The following CRAMP1 variants were observed in gnomAD, a reference collection of about 807,000 sequenced individuals.
CRAMP1 encodes cramped chromatin regulator 1.
A neutral mutation model predicts 115.4 loss-of-function variants in CRAMP1; 50 were observed. The observed-to-expected ratio is 0.43, with a 90% CI of 0.35 to 0.55. CRAMP1 has a LOEUF of 0.55. Among genes scored for constraint, CRAMP1 ranks in the 20% least tolerant of loss-of-function variants. The pLI, the probability that CRAMP1 is intolerant of heterozygous loss-of-function variation, is 0.01. For missense variants in CRAMP1, 1,679 were observed against 1,721.7 expected, an observed-to-expected ratio of 0.98 and a Z score of 0.44; for synonymous variants, 866 against 745.4, an observed-to-expected ratio of 1.16 and a Z score of -2.64.
chr16:1,620,841 C>T (rs1225632928), intron 2 of CRAMP1: 8 of 366,444 alleles, frequency 2.2e-5, no homozygotes, highest in South Asian at 5.8e-5. Flanking sequence ...GCATGGGAAA[C>T]GCCTGGGTTT....
At chr16:1,645,003 A>T (rs760487717) in intron 6 of CRAMP1, among the ~76,000 whole-genome samples, 5 of 148,990 alleles carry the variant, frequency 3.4e-5, no homozygotes, top group Non-Finnish European at 6.0e-5. Context: ...CACCTGACCC[A>T]TTTTTTGCTT....
intron 2 of CRAMP1, among the ~76,000 whole-genome samples, chr16:1,624,976 C>T (rs1410065996): frequency 6.6e-6 from 1 of 152,196 alleles, no homozygotes; most frequent in Non-Finnish European, 1.5e-5. Flanking sequence ...ATCCACCCGC[C>T]TCAGCCTCCC....
chr16:1,656,534 G>A lies in CRAMP1; in HGVS notation c.1777G>A (p.Gly593Arg), dbSNP rs756006420. 1.0e-5 allele frequency: 16 copies of A among 1,558,288 alleles called. No individual in the cohort carries two copies. The highest frequency in any genetic ancestry group is 8.2e-5 in the African/African-American group (6 of 73,490). Residue 593 changes from glycine (G) to arginine (R), a missense_variant, in exon 10 of 21, where the codon GGG (glycine) becomes AGG (arginine). By Grantham distance (125) the Gly-to-Arg change is moderately radical (BLOSUM62 -2). Around this residue, in one of 8 missense-constraint regions of CRAMP1, gnomAD observed 405 missense variants for 302.6 expected, o/e 1.34. Transcript: ENST00000397412. This position sits in a 1 kb window ranked among gnomAD's most constrained non-coding sequence, Gnocchi z 5.6. ...TGGGAGCGAGCAGCCCCCTCTGGGC[G>A]GGGCGGCCTCCCCAGAGGTGCTGGC... ...RPGSEQPPLG[G>R]AASPEVLAPV...
intron 8 of CRAMP1, among the ~76,000 whole-genome samples, chr16:1,654,744 A>G (rs1183627893): frequency 2.0e-5 from 3 of 152,226 alleles, no homozygotes; most frequent in African/African-American, 4.8e-5. Flanking sequence ...TAGAAACGGA[A>G]TCACACGCAG....
chr16:1,642,986 G>A (rs920116201), intron 6 of CRAMP1, among the ~76,000 whole-genome samples: 1 of 152,176 alleles, frequency 6.6e-6, no homozygotes, highest in Non-Finnish European at 1.5e-5. Flanking sequence ...CTGACCACAC[G>A]GGCACAGGGA....
In CRAMP1 at chr16:1,667,963, G is replaced by A. The variant is rs759256028; in HGVS notation, c.3104G>A (p.Gly1035Asp). The A allele has an allele frequency of 1.3e-6, 2 of 1,598,848 alleles. No individual in the cohort carries two copies. Among genetic ancestry groups the A allele is most frequent in the Admixed American group, 1.7e-5 (1 of 58,618 alleles). The stretch of plus-strand genomic sequence containing the variant: ...TGAAAAATACCTGTCTCCCAGCAGG[G>A]CTCATCTGTTCTCTCCTTATCTGAG... ...EQEPVADSFQ[G>D]SSVLSLSELP... Residue 1035 changes from glycine (G) to aspartate (D), a missense_variant and splice_region_variant, in exon 18 of 21, where the codon GGC becomes GAC. By Grantham distance (94) the Gly-to-Asp change is moderately conservative (BLOSUM62 -1). Transcript: ENST00000397412.
intron 2 of CRAMP1, chr16:1,625,725 C>G: frequency 2.3e-6 from 1 of 426,904 alleles, no homozygotes; most frequent in Non-Finnish European, 4.2e-6. Context: ...TTACATGGTT[C>G]CACATAAAAT....
At chr16:1,645,555 T>C (rs1356908604) in intron 6 of CRAMP1, 2 of 157,412 alleles carry the variant, frequency 1.3e-5, no homozygotes, top group Non-Finnish European at 2.9e-5. Flanking sequence ...GTCCATAGTT[T>C]ACTTACAGGC....
rs371924728 is a variant in CRAMP1 at position 1,666,429 on chromosome 16, C to G, written c.2865C>G (p.Ile955Met). ...PQATSHLASA[I>M]DLAATSAGIL... ...CGTCCTTTTTGTTGCCAGGTGCTAT[C>G]GACTTAGCAGCTACAAGTGCCGGCA... Residue 955 changes from isoleucine to methionine, a missense_variant, in exon 16 of 21, where the codon ATC becomes ATG. Transcript: ENST00000397412. This position sits in a 1 kb window ranked among gnomAD's most constrained non-coding sequence, Gnocchi z 5.0. 1.9e-6 allele frequency: 3 copies of G among 1,612,648 alleles called. No homozygotes were observed. The East Asian group carries it at 6.7e-5, about 36-fold the overall frequency.
Position 1,655,763 on chromosome 16 carries a change from T to C in CRAMP1, c.1120-114T>C. On this transcript the variant is annotated intron_variant, in intron 9 of 20. Coordinates refer to ENST00000397412, the MANE Select transcript of CRAMP1 (RefSeq NM_020825.4). The stretch of plus-strand genomic sequence containing the variant: ...AGGAAAGCCACGGGTGGTGGCATGA[T>C]TTATACCCTGGGGGATGCCAGTGGG... The C allele has an allele frequency of 2.6e-5, 32 of 1,229,190 alleles. No individual in the cohort carries two copies. In the South Asian group the frequency reaches 4.5e-4, roughly 17 times the overall value. 76.1% of individuals were successfully genotyped at this position (1,229,190 alleles called of 1,614,324 possible).
chr16:1,635,961 T>C (rs2036585382), intron 4 of CRAMP1, among the ~76,000 whole-genome samples: 1 of 152,222 alleles, frequency 6.6e-6, no homozygotes, highest in Non-Finnish European at 1.5e-5. Flanking sequence ...GTCTGTGTTG[T>C]AGCGTGTGCC....
intron 6 of CRAMP1, among the ~76,000 whole-genome samples, chr16:1,651,827 T>C (rs573484119): frequency 2.5e-4 from 35 of 137,952 alleles, no homozygotes; most frequent in African/African-American, 9.8e-4. Flanking sequence ...GAAAGGTGGA[T>C]TGAGGTCACA....
chr16:1,651,503 TCA>T (rs1408952426), intron 6 of CRAMP1, among the ~76,000 whole-genome samples: 1 of 145,094 alleles, frequency 6.9e-6, no homozygotes, highest in Admixed American at 6.9e-5. Context: ...TGGATTGAGG[TCA>T]CACACAGGTC....
intron 6 of CRAMP1, among the ~76,000 whole-genome samples, chr16:1,648,508 G>A (rs956562492): frequency 2.6e-5 from 4 of 151,972 alleles, no homozygotes; most frequent in African/African-American, 4.8e-5. Context: ...GGGAGGCTGC[G>A]GCAGGAGGAT....
intron 13 of CRAMP1, 106 bp downstream of exon 13, chr16:1,662,941 C>T: frequency 1.2e-6 from 1 of 802,962 alleles, no homozygotes; most frequent in Non-Finnish European, 2.0e-6. Context: ...GTGGGAAATT[C>T]CTGCCCCTTC....
At chr16:1,643,131 G>T (rs1321774882) in intron 6 of CRAMP1, among the ~76,000 whole-genome samples, 1 of 152,184 alleles carries the variant, frequency 6.6e-6, no homozygotes, top group Non-Finnish European at 1.5e-5. Flanking sequence ...AACTCGGGGG[G>T]CTTTGATTAT....
chr16:1,636,098 TG>T (rs1195054953), intron 4 of CRAMP1, among the ~76,000 whole-genome samples: 1 of 152,196 alleles, frequency 6.6e-6, no homozygotes, highest in Non-Finnish European at 1.5e-5. Flanking sequence ...AGGCCAGGCG[TG>T]GTGGCTCACG....
Position 1,669,061 on chromosome 16 carries a change from C to T in CRAMP1, c.3395C>T (p.Pro1132Leu), listed in dbSNP as rs2036900317. The T allele has an allele frequency of 6.2e-7, 1 of 1,612,512 alleles. No individual in the cohort carries two copies. Among genetic ancestry groups the T allele is most frequent in the African/African-American group, 1.3e-5 (1 of 74,902 alleles). The change falls in exon 19 of 21, where the codon CCC becomes CTC. Residue 1132 changes from proline to leucine, a missense_variant. Pro to Leu is a moderately conservative substitution (Grantham distance 98). Coordinates refer to ENST00000397412, the MANE Select transcript of CRAMP1 (RefSeq NM_020825.4). This position sits in a 1 kb window ranked among gnomAD's most constrained non-coding sequence, Gnocchi z 4.6. ...LNGSDSSKSL[P>L]SPSSSPQPHW... ...GGCAGTGACAGTTCCAAGAGCCTTC[C>T]CTCCCCGTCCAGCAGCCCCCAGCCA...
At chr16:1,635,396 G>C in intron 4 of CRAMP1, among the ~76,000 whole-genome samples, 1 of 152,344 alleles carries the variant, frequency 6.6e-6, no homozygotes, top group East Asian at 1.9e-4. Flanking sequence ...CCTTGCTGCT[G>C]TCCATTGCTC....
Sources: allele counts gnomAD v4.1 joint callset (sites outside exome capture counted in the v4.1 genomes callset), GRCh38; gene constraint gnomAD v4.1.1; regional missense constraint gnomAD v4.1.1; non-coding constraint Gnocchi (gnomAD v3.1); transcripts MANE v1.5; gene names NCBI Gene and HGNC (gene_info 2026-07-23, HGNC 2026-07-21).